Variants in MDN1 observed in about 807,000 individuals in gnomAD.
MDN1 encodes the protein midasin.
In MDN1, 266 loss-of-function variants were observed where a neutral mutation model predicts 669.2. The observed-to-expected ratio is 0.40, with a 90% CI of 0.36 to 0.44. The LOEUF (loss-of-function observed/expected upper bound fraction) is 0.44, where lower values mean the gene tolerates loss of function less well. Among genes scored for constraint, MDN1 ranks in the 20% least tolerant of loss-of-function variants. The probability of loss-of-function intolerance (pLI) is 1.00; values close to 1 mark genes in which losing one functional copy is unlikely to be tolerated. For missense variants in MDN1, 5,940 were observed against 6,754.0 expected, an observed-to-expected ratio of 0.88 and a Z score of 4.22; for synonymous variants, 2,385 against 2,457.1, an observed-to-expected ratio of 0.97 and a Z score of 0.87.
intron 2 of MDN1, among the ~76,000 whole-genome samples, chr6:89,798,819 A>T (rs1325270479): frequency 1.3e-5 from 2 of 152,216 alleles, no homozygotes; most frequent in Non-Finnish European, 2.9e-5. Flanking sequence ...GGGAGAAAAC[A>T]TACCAAAATA....
At position 89,728,861 on chromosome 6, in the gene MDN1, G is replaced by A. The variant is rs538875959; in HGVS notation, c.5349+70C>T. On this transcript the variant is annotated intron_variant, in intron 36 of 101. Coordinates refer to ENST00000369393, the MANE Select transcript of MDN1 (RefSeq NM_014611.3). The stretch of plus-strand genomic sequence containing the variant: ...TGATAATGTAATCATTTCTGATTAG[G>A]CAAATATAAATTGACACAGACATTA... 933 of 1,445,226 alleles carry A rather than the reference G, an allele frequency of 6.5e-4. 2 individuals are homozygous for A. Among genetic ancestry groups the A allele is most frequent in the Non-Finnish European group, 7.9e-4 (827 of 1,044,584 alleles). The allele number at this position is 1,445,226 out of a possible 1,614,324, so 89.5% of individuals were successfully genotyped here.
Position 89,686,986 on chromosome 6 carries a change from G to C in MDN1, c.11488C>G (p.His3830Asp). 1 of 1,604,714 alleles carries C rather than the reference G, an allele frequency of 6.2e-7. No individual in the cohort carries two copies. Reference protein sequence around the residue: ...SMSLDNTMKRHTEKSTKHWFS... With the variant: ...SMSLDNTMKRDTEKSTKHWFS... ...CAGTGCTTGGTGGATTTCTCGGTGTGGCGCTTCATAGTATTATCCAAACTC... is the reference window on the plus strand; with the variant it reads ...CAGTGCTTGGTGGATTTCTCGGTGTCGCGCTTCATAGTATTATCCAAACTC... Residue 3830 changes from histidine (H) to aspartate (D), a missense_variant, in exon 69 of 102, where the codon CAC becomes GAC. Coordinates refer to ENST00000369393, the MANE Select transcript of MDN1 (RefSeq NM_014611.3).
rs1446690252 is a variant in MDN1, at chr6:89,794,152, A to G, written c.610T>C (p.Ser204Pro). Residue 204 changes from serine to proline, a missense_variant, in exon 4 of 102, where the codon TCA becomes CCA. Around this residue, in one of 5 missense-constraint regions of MDN1, gnomAD observed 1,203 missense variants for 1,268.9 expected, o/e 0.95. Transcript: ENST00000369393. ...VTCMNEEHKL[S>P]FLKKIFNSDE... ...CTATTAAATATCTTCTTAAGAAATG[A>G]TAACTTGTGCTCTTCATTCATACAG... 6.2e-7 allele frequency: 1 copy of G among 1,604,452 alleles called. No individual in the cohort carries two copies.
intron 1 of MDN1, among the ~76,000 whole-genome samples, chr6:89,812,386 C>T (rs986735163): frequency 1.3e-5 from 2 of 151,972 alleles, no homozygotes; most frequent in Non-Finnish European, 2.9e-5. Context: ...GCCACTGCAC[C>T]CGGCCAGGAA....
Position 89,771,596 on chromosome 6 carries a change from C to T in MDN1, c.2109G>A (p.Met703Ile), listed in dbSNP as rs773793521. The T allele has an allele frequency of 1.2e-6, 2 of 1,613,994 alleles. No individual in the cohort carries two copies. Among genetic ancestry groups the T allele is most frequent in the Non-Finnish European group, 1.7e-6 (2 of 1,179,950 alleles). ...AGTCTGCAGTATCACTTTGTTGATT[C>T]ATATTGACAACCCTCAAACGGTGGC... Reference protein sequence around the residue: ...ITGHRLRVVNMNQQSDTADLL... With the variant: ...ITGHRLRVVNINQQSDTADLL... The change falls in exon 15 of 102, where the codon ATG becomes ATA. Residue 703 changes from methionine to isoleucine, a missense_variant. Physicochemically the swap from Met to Ile is conservative, Grantham distance 10. Transcript: ENST00000369393.
chr6:89,757,395 T>G (rs17584290), intron 19 of MDN1, among the ~76,000 whole-genome samples: 15,209 of 152,278 alleles, frequency 0.1, 980 homozygotes, highest in South Asian at 0.16. Context: ...TATGAAATTT[T>G]TCTAATAGCC....
chr6:89,682,648 C>A (rs1464733658), intron 73 of MDN1, among the ~76,000 whole-genome samples: 1 of 144,328 alleles, frequency 6.9e-6, no homozygotes, highest in Non-Finnish European at 1.5e-5. Context: ...GCGGAGCTTG[C>A]AGTGAGCCGA....
At chr6:89,730,189 A>G (rs1409962345) in intron 35 of MDN1, among the ~76,000 whole-genome samples, 1 of 152,162 alleles carries the variant, frequency 6.6e-6, no homozygotes, top group Non-Finnish European at 1.5e-5. Flanking sequence ...CAAACCCACT[A>G]TCTCCTAGAC....
intron 12 of MDN1, among the ~76,000 whole-genome samples, chr6:89,775,121 A>C (rs1391083660): frequency 6.6e-6 from 1 of 152,188 alleles, no homozygotes; most frequent in East Asian, 1.9e-4. Flanking sequence ...ATCATGGTAC[A>C]TCTGACTACA....
chr6:89,650,337 A>AT, intron 96 of MDN1, 139 bp from the exon 97 acceptor site: 1 of 794,360 alleles, frequency 1.3e-6, no homozygotes, highest in South Asian at 1.9e-5. Context: ...GTTTCTGTCA[A>AT]TTGACGACTA....
chr6:89,801,005 G>A (rs1767619257), intron 2 of MDN1, among the ~76,000 whole-genome samples: 1 of 152,214 alleles, frequency 6.6e-6, no homozygotes, highest in African/African-American at 2.4e-5. Context: ...TACTAGTCCA[G>A]GATACTTCTG....
intron 1 of MDN1, 30 bp from the exon 2 acceptor site, chr6:89,803,584 CTTT>C (rs71027903): frequency 7.6e-4 from 971 of 1,280,792 alleles, no homozygotes; most frequent in Middle Eastern, 1.3e-3. Context: ...ACATCTTTCA[CTTT>C]TTTTTTTTTT....
chr6:89,647,130 A>G (rs1808540035), intron 99 of MDN1, among the ~76,000 whole-genome samples: 1 of 152,210 alleles, frequency 6.6e-6, no homozygotes, highest in Non-Finnish European at 1.5e-5. Context: ...TCTCTAACAT[A>G]TAACCCACTA....
At position 89,685,882 on chromosome 6, in the gene MDN1, C is replaced by A. The variant is rs752629856; in HGVS notation, c.11664G>T (p.Gln3888His). 2 of 1,614,142 alleles carry A rather than the reference C, an allele frequency of 1.2e-6. No individual in the cohort carries two copies. The highest frequency in any genetic ancestry group is 1.7e-6 in the Non-Finnish European group (2 of 1,180,032). ...SSLGEFHVRL[Q>H]MLLVFHCHVL... ...CATGACAATGGAAAACCAGTAACAT[C>A]TGAAGTCGCACATGGAACTCTCCCA... Residue 3888 changes from glutamine (Q) to histidine (H), a missense_variant, in exon 70 of 102, where the codon CAG becomes CAT. Transcript: ENST00000369393.
At chr6:89,718,315 C>G in intron 43 of MDN1, 51 bp downstream of exon 43, 1 of 1,530,556 alleles carries the variant, frequency 6.5e-7, no homozygotes, top group East Asian at 2.3e-5. Flanking sequence ...TGTAAATGGA[C>G]ACAATATAAG....
chr6:89,771,695 C>T, intron 14 of MDN1, 74 bp from the exon 15 acceptor site: 5 of 1,312,568 alleles, frequency 3.8e-6, no homozygotes, highest in Non-Finnish European at 5.5e-6. Context: ...CTCCTTAAGG[C>T]TGTGGGAATA....
chr6:89,761,849 T>C (rs1201478102), intron 16 of MDN1, 101 bp from the exon 17 acceptor site: 1 of 861,962 alleles, frequency 1.2e-6, no homozygotes, highest in Non-Finnish European at 1.8e-6. Context: ...AAATTAAGCA[T>C]CTTACACAAA....
chr6:89,708,624 T>C lies in MDN1; in HGVS notation c.7770A>G (p.Glu2590=). The C allele has an allele frequency of 6.2e-7, 1 of 1,612,938 alleles. No individual in the cohort carries two copies. The highest frequency in any genetic ancestry group is 8.5e-7 in the Non-Finnish European group (1 of 1,179,628). The change falls in exon 51 of 102, where the codon GAA becomes GAG. Residue 2590 remains glutamate (E), a synonymous_variant. Coordinates refer to ENST00000369393, the MANE Select transcript of MDN1 (RefSeq NM_014611.3). ...FKILQPNTTD[E]FVIPLDPRWN... is the part of the protein sequence containing the mutation. ...ATCGGGGATCCAGAGGGATCACAAA[T>C]TCATCTAGTTTAAAAACAGAACAAA...
intron 12 of MDN1, 125 bp from the exon 13 acceptor site, chr6:89,774,858 G>A: frequency 3.3e-6 from 2 of 610,454 alleles, no homozygotes; most frequent in Non-Finnish European, 5.8e-6. Context: ...TTCCCAGATA[G>A]TTGAGTTGGC....
Sources: allele counts gnomAD v4.1 joint callset (sites outside exome capture counted in the v4.1 genomes callset), GRCh38; gene constraint gnomAD v4.1.1; regional missense constraint gnomAD v4.1.1; transcripts MANE v1.5; gene names NCBI Gene and HGNC (gene_info 2026-07-23, HGNC 2026-07-21).